PVT1: variants seen among roughly 807,000 people sequenced by gnomAD.
PVT1 encodes the protein CXCR4/PVT1 fusion.
At chr8:128,032,278 T>G (rs1363276735) in intron 4 of PVT1, among the ~76,000 whole-genome samples, 4 of 152,170 alleles carry the variant, frequency 2.6e-5, no homozygotes, top group East Asian at 1.9e-4. Flanking sequence ...ACTGTGTGAG[T>G]GGGCCCAGGG....
rs573319879 is a variant in PVT1 at position 127,920,281 on chromosome 8, A to G, written n.782+29283A>G. 9.2e-5 allele frequency among the ~76,000 whole-genome samples: 14 copies of G among 152,302 alleles called. 1 individual carries two copies. Among genetic ancestry groups the G allele is most frequent in the Admixed American group, 8.5e-4 (13 of 15,298 alleles). On this transcript the variant is annotated intron_variant and non_coding_transcript_variant, in intron 3 of 10. Transcript: ENST00000651587. ...CTCGTAGCTGACCTCCATTTGGCCT[A>G]CTCACTGAATTAAGTGATGTTACTC...
At chr8:128,001,412 G>C (rs1817175762) in intron 4 of PVT1, among the ~76,000 whole-genome samples, 1 of 151,896 alleles carries the variant, frequency 6.6e-6, no homozygotes, top group African/African-American at 2.4e-5. Context: ...AGTGAGGCTA[G>C]CTGGGGGGAA....
chr8:128,031,562 T>A (rs968301405), intron 4 of PVT1, among the ~76,000 whole-genome samples: 1 of 152,186 alleles, frequency 6.6e-6, no homozygotes, highest in Admixed American at 6.5e-5. Context: ...GTCCAAACTC[T>A]TAGAGTTTTT....
At chr8:128,078,899 C>T (rs1264097735) in intron 5 of PVT1, among the ~76,000 whole-genome samples, 3 of 152,132 alleles carry the variant, frequency 2.0e-5, no homozygotes, top group Non-Finnish European at 4.4e-5. Flanking sequence ...AATTCTCCCA[C>T]CTCAGCACCC....
In PVT1 at chr8:127,839,484, A is replaced by G. The variant is rs57435051; in HGVS notation, n.372+43413A>G. 7.1e-3 allele frequency among the ~76,000 whole-genome samples: 1,084 copies of G among 151,906 alleles called. 18 individuals carry two copies. Among genetic ancestry groups the G allele is most frequent in the African/African-American group, 0.025 (1,020 of 41,396 alleles). On this transcript the variant is annotated intron_variant and non_coding_transcript_variant, in intron 2 of 10. Transcript: ENST00000651587. ...AGGATGGCTTGAGCCTGGGAGGTCA[A>G]GCCTGCAGTGAGCCGTGATTGTGCC... is the stretch of plus-strand genomic sequence containing the variant.
intron 4 of PVT1, among the ~76,000 whole-genome samples, chr8:127,994,973 A>T (rs1285765725): frequency 6.6e-6 from 1 of 152,218 alleles, no homozygotes; most frequent in Non-Finnish European, 1.5e-5. Flanking sequence ...TCTCATCTGG[A>T]CATACTCAGA....
At chr8:127,939,852 T>C (rs1816327075) in intron 3 of PVT1, 1 of 152,282 alleles carries the variant, frequency 6.6e-6, no homozygotes. Flanking sequence ...ACCTGCCTGC[T>C]GGGCCCACTG....
chr8:128,014,850 G>T (rs1006981452), intron 4 of PVT1, among the ~76,000 whole-genome samples: 1 of 152,230 alleles, frequency 6.6e-6, no homozygotes, highest in South Asian at 2.1e-4. Flanking sequence ...AGAGTCTTGT[G>T]CCCTGAACTT....
intron 4 of PVT1, among the ~76,000 whole-genome samples, chr8:128,045,211 C>G (rs1813596786): frequency 6.6e-6 from 1 of 152,192 alleles, no homozygotes; most frequent in African/African-American, 2.4e-5. Context: ...TGTGGGCAGG[C>G]ACCACGGCAG....
At chr8:128,003,009 T>G (rs1473551816) in intron 4 of PVT1, among the ~76,000 whole-genome samples, 1 of 102,042 alleles carries the variant, frequency 9.8e-6, no homozygotes, top group Non-Finnish European at 2.1e-5. Context: ...TCTTTTTTCT[T>G]TCTTTTTTTG....
At position 128,021,290 on chromosome 8, in the gene PVT1, C is replaced by CTTTTTTTTTTTTTTTT. The variant is rs11438511; in HGVS notation, n.912+32005_912+32020dup. On this transcript the variant is annotated intron_variant and non_coding_transcript_variant, in intron 4 of 10. Coordinates refer to ENST00000651587, the Ensembl canonical transcript of PVT1. ...CCAGTCCGATTCCCCAGGACTTGTG[C>CTTTTTTTTTTTTTTTT]TTTTTTTTTTTTTTTTTTTTTGAGA... Among the ~76,000 whole-genome samples, 28 of 81,138 alleles carry CTTTTTTTTTTTTTTTT rather than the reference C, an allele frequency of 3.5e-4. 3 individuals are homozygous for CTTTTTTTTTTTTTTTT. Among genetic ancestry groups the CTTTTTTTTTTTTTTTT allele is most frequent in the African/African-American group, 9.6e-4 (20 of 20,898 alleles). 53.2% of individuals were successfully genotyped at this position (81,138 alleles called of 152,430 possible). A position where few individuals can be genotyped will look rare whatever the true frequency, so the allele number is the denominator to read the frequency against.
intron 3 of PVT1, chr8:127,948,109 C>A: frequency 5.4e-6 from 2 of 373,672 alleles, no homozygotes; most frequent in South Asian, 4.1e-5. Context: ...CTGCCTTTGA[C>A]CCAAGGCCAT....
At chr8:127,966,736 G>A (rs748129998) in intron 3 of PVT1, among the ~76,000 whole-genome samples, 1 of 152,162 alleles carries the variant, frequency 6.6e-6, no homozygotes, top group Non-Finnish European at 1.5e-5. Flanking sequence ...CACCCCATTG[G>A]ACAGCATATG....
At chr8:127,822,762 A>G (rs1436733745) in intron 2 of PVT1, among the ~76,000 whole-genome samples, 1 of 152,218 alleles carries the variant, frequency 6.6e-6, no homozygotes, top group Non-Finnish European at 1.5e-5. Context: ...CAGCACCTAC[A>G]GGGCTGAGAT....
chr8:128,074,626 G>A (rs1483347609), intron 5 of PVT1, among the ~76,000 whole-genome samples: 3 of 151,656 alleles, frequency 2.0e-5, no homozygotes, highest in Non-Finnish European at 2.9e-5. Flanking sequence ...CATTTAATGT[G>A]GTTTTGACAG....
At chr8:127,949,648 T>C (rs1816479478) in intron 3 of PVT1, among the ~76,000 whole-genome samples, 1 of 151,842 alleles carries the variant, frequency 6.6e-6, no homozygotes, top group Non-Finnish European at 1.5e-5. Context: ...TCTCACATGG[T>C]TAAACCAATG....
chr8:128,004,618 A>G (rs1817224350), intron 4 of PVT1, among the ~76,000 whole-genome samples: 1 of 152,210 alleles, frequency 6.6e-6, no homozygotes, highest in African/African-American at 2.4e-5. Context: ...GCGTTAGGAC[A>G]ACAGTGGTCC....
At chr8:127,866,844 G>T (rs891095891) in intron 2 of PVT1, among the ~76,000 whole-genome samples, 1 of 151,980 alleles carries the variant, frequency 6.6e-6, no homozygotes, top group Non-Finnish European at 1.5e-5. Flanking sequence ...CCGACCCTCC[G>T]CAGATGCTAC....
intron 3 of PVT1, among the ~76,000 whole-genome samples, chr8:127,962,354 C>T (rs1816654907): frequency 6.6e-6 from 1 of 152,234 alleles, no homozygotes; most frequent in South Asian, 2.1e-4. Context: ...TCATCGGTGG[C>T]ACTGCTTTGC....
Sources: allele counts gnomAD v4.1 joint callset (sites outside exome capture counted in the v4.1 genomes callset), GRCh38; gene constraint gnomAD v4.1.1; transcripts MANE v1.5; gene names NCBI Gene and HGNC (gene_info 2026-07-23, HGNC 2026-07-21).